Variants in PPARG observed in about 807,000 individuals in gnomAD.
PPARG encodes peroxisome proliferator-activated receptor gamma.
Under a neutral mutation model 39.2 loss-of-function variants are expected in PPARG, and 17 were observed. The observed-to-expected ratio is 0.43, with a 90% CI of 0.30 to 0.65. PPARG has a LOEUF of 0.65. Among genes scored for constraint, PPARG ranks in the 30% least tolerant of loss-of-function variants. The pLI is 0.13. For missense variants in PPARG, 406 were observed against 585.9 expected (o/e 0.69, Z 3.17); for synonymous variants, 223 against 215.7 (o/e 1.03, Z -0.30).
intron 2 of PPARG, chr3:12,344,736 G>C (rs915456524): frequency 6.6e-6 from 1 of 152,274 alleles, no homozygotes; most frequent in Admixed American, 6.5e-5. Context: ...CTTTATTAAA[G>C]TGTCATGTAA....
intron 2 of PPARG, among the ~76,000 whole-genome samples, chr3:12,376,390 A>G (rs140940955): frequency 1.3e-5 from 2 of 152,310 alleles, no homozygotes; most frequent in African/African-American, 4.8e-5. Context: ...ATTAAAATAA[A>G]ATTGCTCCAA....
At chr3:12,405,797 T>A in intron 5 of PPARG, 85 bp from the exon 6 acceptor site, 1 of 1,400,058 alleles carries the variant, frequency 7.1e-7, no homozygotes, top group Admixed American at 1.7e-5. Flanking sequence ...TTCTACTGTG[T>A]GGGAACGAGG....
At chr3:12,333,508 A>C (rs190561748) in intron 2 of PPARG, among the ~76,000 whole-genome samples, 1 of 152,130 alleles carries the variant, frequency 6.6e-6, no homozygotes, top group Non-Finnish European at 1.5e-5. Flanking sequence ...TCTGTTGCTC[A>C]GGCTGGAGTG....
At chr3:12,347,363 C>T (rs2048358541) in intron 2 of PPARG, among the ~76,000 whole-genome samples, 1 of 152,154 alleles carries the variant, frequency 6.6e-6, no homozygotes, top group African/African-American at 2.4e-5. Context: ...GGCACAGATA[C>T]ATTGAACATT....
chr3:12,390,608 A>G (rs576018353), intron 4 of PPARG, among the ~76,000 whole-genome samples: 1 of 149,256 alleles, frequency 6.7e-6, no homozygotes, highest in South Asian at 2.1e-4. Context: ...TTTGTTTTAC[A>G]TAGTATGTGA....
At chr3:12,388,308 T>A (rs2049954123) in intron 4 of PPARG, among the ~76,000 whole-genome samples, 1 of 152,110 alleles carries the variant, frequency 6.6e-6, no homozygotes, top group Non-Finnish European at 1.5e-5. Context: ...CAAAACAACA[T>A]CAATGAAACA....
chr3:12,406,142 C>T, intron 6 of PPARG, 61 bp downstream of exon 6: 1 of 1,510,194 alleles, frequency 6.6e-7, no homozygotes, highest in Non-Finnish European at 9.1e-7. Flanking sequence ...GTTTTTGTTT[C>T]TTTGAGTAAA....
chr3:12,333,774 A>G (rs990771997), intron 2 of PPARG, among the ~76,000 whole-genome samples: 3 of 152,164 alleles, frequency 2.0e-5, no homozygotes, highest in Non-Finnish European at 2.9e-5. Flanking sequence ...GACTTTGTTC[A>G]TACGACATTA....
intron 5 of PPARG, among the ~76,000 whole-genome samples, chr3:12,397,184 A>C (rs1362425196): frequency 6.6e-6 from 1 of 151,944 alleles, no homozygotes. Context: ...TTTTTAAAAA[A>C]AACTGACAAC....
chr3:12,321,289 T>G (rs2047537103), intron 2 of PPARG, among the ~76,000 whole-genome samples: 1 of 152,322 alleles, frequency 6.6e-6, no homozygotes. Context: ...ACATGGAAGT[T>G]ATAAAAAGTC....
At chr3:12,325,423 A>G (rs2047665381) in intron 2 of PPARG, among the ~76,000 whole-genome samples, 5 of 151,932 alleles carry the variant, frequency 3.3e-5, no homozygotes, top group Admixed American at 3.3e-4. Flanking sequence ...CTTTGTCTCT[A>G]AATAAATAAA....
At chr3:12,343,354 T>C (rs2125074496) in intron 2 of PPARG, among the ~76,000 whole-genome samples, 1 of 152,334 alleles carries the variant, frequency 6.6e-6, no homozygotes, top group Middle Eastern at 3.4e-3. Context: ...GAAGGCTTTT[T>C]GGATTCCTTC....
chr3:12,395,765 C>A (rs548453235), intron 5 of PPARG, among the ~76,000 whole-genome samples: 4 of 152,164 alleles, frequency 2.6e-5, no homozygotes, highest in Non-Finnish European at 5.9e-5. Flanking sequence ...TTAATTCCAC[C>A]GATTGCTCAG....
chr3:12,309,868 G>C (rs2047177548), intron 1 of PPARG, among the ~76,000 whole-genome samples: 1 of 152,166 alleles, frequency 6.6e-6, no homozygotes, highest in Non-Finnish European at 1.5e-5. Flanking sequence ...CCTGTCTAAC[G>C]TGGGCTGTGT....
chr3:12,324,226 C>T (rs1448036053), intron 2 of PPARG, among the ~76,000 whole-genome samples: 1 of 151,890 alleles, frequency 6.6e-6, no homozygotes, highest in East Asian at 1.9e-4. Context: ...TTGTAGTGAA[C>T]CGAGATCGTG....
chr3:12,381,559 T>G, intron 4 of PPARG, 68 bp downstream of exon 4: 1 of 1,490,562 alleles, frequency 6.7e-7, no homozygotes, highest in South Asian at 1.2e-5. Context: ...AGAACCCCTT[T>G]TTTAGGTGAT....
intron 6 of PPARG, among the ~76,000 whole-genome samples, chr3:12,415,959 G>C (rs1575140153): frequency 6.6e-6 from 1 of 152,236 alleles, no homozygotes; most frequent in East Asian, 1.9e-4. Context: ...TTTTAAACCT[G>C]TAGTTACTTT....
chr3:12,328,377 C>G, intron 2 of PPARG: 1 of 657,054 alleles, frequency 1.5e-6, no homozygotes, highest in Non-Finnish European at 2.7e-6. Context: ...CTGATGGATG[C>G]TTTATTTGGA....
At chr3:12,320,126 A>G in intron 2 of PPARG, among the ~76,000 whole-genome samples, 1 of 152,210 alleles carries the variant, frequency 6.6e-6, no homozygotes, top group Admixed American at 6.6e-5. Context: ...TACATTTTGC[A>G]GTAAGGATTG....
Sources: gnomAD v4.1 joint callset for allele counts (sites outside exome capture counted in the v4.1 genomes callset) on GRCh38, gnomAD v4.1.1 for gene constraint, MANE v1.5 for transcripts, NCBI Gene and HGNC (gene_info 2026-07-23, HGNC 2026-07-21) for gene names.